Variants in CMC2 observed in about 807,000 individuals in gnomAD.
CMC2 encodes the protein COX assembly mitochondrial protein 2 homolog.
In CMC2, 5 loss-of-function variants were observed where a neutral mutation model predicts 7.5. The ratio of observed to expected loss-of-function variants is 0.66; its 90% CI spans 0.35 to 1.40. CMC2 has a LOEUF of 1.40. CMC2 is among the 40% of genes most tolerant of loss of function. The pLI, the probability that CMC2 is intolerant of heterozygous loss-of-function variation, is 0.04. For synonymous variants in CMC2, 37 were observed against 31.4 expected, an observed-to-expected ratio of 1.18 and a Z score of -0.60; for missense variants, 115 against 92.3, an observed-to-expected ratio of 1.25 and a Z score of -1.01.
At position 80,974,530 on chromosome 16, in the gene CMC2, A is replaced by G. The variant is rs1377925125; in HGVS notation, c.*1563T>C. ...TAAGCTCCCATATTCTAGTCATGCT[A>G]AATGCCTTAAAGTGCGCCTCAGAAT... On this transcript the variant is annotated 3_prime_UTR_variant, in exon 4 of 4. Transcript: ENST00000219400. 3 of 150,952 alleles carry G rather than the reference A, an allele frequency of 2.0e-5. No individual in the cohort carries two copies. The highest frequency in any genetic ancestry group is 6.6e-5 in the Admixed American group (1 of 15,250). 9.4% of individuals were successfully genotyped at this position (150,952 alleles called of 1,614,324 possible).
chr16:80,994,836 G>C (rs1229834942), intron 2 of CMC2, among the ~76,000 whole-genome samples: 2 of 152,178 alleles, frequency 1.3e-5, no homozygotes, highest in Non-Finnish European at 2.9e-5. Flanking sequence ...GAAATAAAAT[G>C]ATGTTTACAC....
intron 3 of CMC2, 66 bp from the exon 4 acceptor site, chr16:80,976,245 C>T: frequency 1.2e-6 from 1 of 855,986 alleles, no homozygotes; most frequent in South Asian, 1.8e-5. Flanking sequence ...TAGCAGTTTA[C>T]TATTTAGAAA....
intron 2 of CMC2, among the ~76,000 whole-genome samples, chr16:80,991,472 C>A (rs191916747): frequency 5.7e-4 from 87 of 152,164 alleles, no homozygotes; most frequent in African/African-American, 2.0e-3. Context: ...CCGTTCTCTA[C>A]AAATATACAA....
At chr16:80,980,967 G>A (rs879826949) in intron 3 of CMC2, 28 of 493,272 alleles carry the variant, frequency 5.7e-5, no homozygotes, top group Non-Finnish European at 7.7e-5. Flanking sequence ...AAAGGTGAAT[G>A]TCACAATTTA....
At chr16:81,002,153 G>A (rs894993527) in intron 1 of CMC2, among the ~76,000 whole-genome samples, 1 of 152,106 alleles carries the variant, frequency 6.6e-6, no homozygotes, top group Non-Finnish European at 1.5e-5. Flanking sequence ...GGCCAGATGC[G>A]GTGGCTCACA....
At chr16:80,993,578 C>T (rs893212373) in intron 2 of CMC2, among the ~76,000 whole-genome samples, 4 of 152,144 alleles carry the variant, frequency 2.6e-5, no homozygotes, top group Non-Finnish European at 4.4e-5. Context: ...AGCTGAAAAA[C>T]GCAGAGCTCA....
intron 2 of CMC2, among the ~76,000 whole-genome samples, chr16:80,988,794 C>T (rs1227564987): frequency 2.0e-5 from 2 of 97,774 alleles, no homozygotes; most frequent in East Asian, 3.0e-4. Flanking sequence ...TTAGTTGTCA[C>T]GTCTTTTTAG....
Position 81,006,835 on chromosome 16 carries a change from A to T in CMC2, c.-137T>A. On this transcript the variant is annotated 5_prime_UTR_variant, in exon 1 of 4. Transcript: ENST00000219400. ...GGAGCAGACAGCTGAACCGCTTGCCAGACGCCGAAACCCAGTGACGCCCTC... is the reference window on the plus strand; with the variant it reads ...GGAGCAGACAGCTGAACCGCTTGCCTGACGCCGAAACCCAGTGACGCCCTC... 1 of 985,486 alleles carries T rather than the reference A, an allele frequency of 1.0e-6. No individual in the cohort carries two copies. The highest frequency in any genetic ancestry group is 1.2e-6 in the Non-Finnish European group (1 of 830,038). The allele number at this position is 985,486 out of a possible 1,614,324, so 61.0% of individuals were successfully genotyped here.
chr16:80,981,700 G>C (rs370991658), intron 3 of CMC2, 106 bp downstream of exon 3: 2 of 690,462 alleles, frequency 2.9e-6, no homozygotes, highest in East Asian at 2.8e-5. Context: ...TCAATTTTCT[G>C]TTACACTAAA....
intron 2 of CMC2, among the ~76,000 whole-genome samples, chr16:80,986,997 A>G (rs546897472): frequency 6.6e-6 from 1 of 152,226 alleles, no homozygotes; most frequent in Non-Finnish European, 1.5e-5. Context: ...AGAGAAAGTT[A>G]TGGTAGAAGC....
At chr16:80,978,975 G>A (rs943188705) in intron 3 of CMC2, among the ~76,000 whole-genome samples, 5 of 152,148 alleles carry the variant, frequency 3.3e-5, no homozygotes, top group Non-Finnish European at 7.4e-5. Flanking sequence ...CAGTTACTCA[G>A]GAGGCTGAGG....
intron 2 of CMC2, among the ~76,000 whole-genome samples, chr16:80,989,129 T>G (rs1967776194): frequency 2.0e-5 from 3 of 152,230 alleles, no homozygotes; most frequent in South Asian, 4.1e-4. Context: ...GTATTCGTTT[T>G]TCCTCTCTAA....
chr16:81,004,113 T>A (rs901249140), intron 1 of CMC2, among the ~76,000 whole-genome samples: 1 of 152,088 alleles, frequency 6.6e-6, no homozygotes, highest in East Asian at 1.9e-4. Context: ...ATCCAGCTAC[T>A]TGGGAGGCTG....
At chr16:80,980,994 G>A (rs1452952059) in intron 3 of CMC2, 5 of 427,300 alleles carry the variant, frequency 1.2e-5, no homozygotes, top group Non-Finnish European at 2.1e-5. Flanking sequence ...ATCCAGGAAG[G>A]GAAAAACAGC....
At chr16:80,991,025 CTTT>C (rs34157796) in intron 2 of CMC2, among the ~76,000 whole-genome samples, 12 of 142,228 alleles carry the variant, frequency 8.4e-5, no homozygotes, top group East Asian at 2.0e-4. Context: ...CCAAGCCTGG[CTTT>C]TTTTTTTTTT....
At chr16:81,001,580 C>A (rs1326519456) in intron 1 of CMC2, among the ~76,000 whole-genome samples, 1 of 151,982 alleles carries the variant, frequency 6.6e-6, no homozygotes, top group Non-Finnish European at 1.5e-5. Context: ...GTATCTGATA[C>A]CACTGAACTG....
rs1321642323 is a variant in CMC2 at position 80,966,606 on chromosome 16, T to A, written c.*9487A>T. 1 of 152,218 alleles carries A rather than the reference T, an allele frequency of 6.6e-6. No homozygotes were observed. Among genetic ancestry groups the A allele is most frequent in the Non-Finnish European group, 1.5e-5 (1 of 68,044 alleles). 9.4% of individuals were successfully genotyped at this position (152,218 alleles called of 1,614,324 possible). ...ACCAATTTCAAAACAATATTATTTT[T>A]ATTATAAAGTTTTACTTTTTTTGCA... On this transcript the variant is annotated 3_prime_UTR_variant, in exon 4 of 4. Coordinates refer to ENST00000219400, the MANE Select transcript of CMC2 (RefSeq NM_020188.5).
intron 3 of CMC2, among the ~76,000 whole-genome samples, chr16:80,976,611 G>A (rs530033759): frequency 2.0e-5 from 3 of 152,296 alleles, no homozygotes; most frequent in Admixed American, 6.5e-5. Flanking sequence ...CTGTCTAACT[G>A]TTGGGACAAT....
chr16:80,988,525 C>T (rs973598156), intron 2 of CMC2: 1 of 699,098 alleles, frequency 1.4e-6, no homozygotes. Context: ...TTTGCTTTAT[C>T]CTTCTAGCTC....
Sources: allele counts gnomAD v4.1 joint callset (sites outside exome capture counted in the v4.1 genomes callset), GRCh38; gene constraint gnomAD v4.1.1; transcripts MANE v1.5; gene names NCBI Gene and HGNC (gene_info 2026-07-23, HGNC 2026-07-21).